RFC5: variants seen among roughly 807,000 people sequenced by gnomAD.
RFC5 encodes the protein A1 36 kDa subunit.
A neutral mutation model predicts 44.3 loss-of-function variants in RFC5; 26 were observed. The observed-to-expected ratio is 0.59, with a 90% CI of 0.43 to 0.81. The LOEUF (loss-of-function observed/expected upper bound fraction) is 0.81. Ranked by LOEUF, RFC5 falls within the 40% of genes least tolerant of loss-of-function variation. The pLI is 0.00. For synonymous variants in RFC5, 155 were observed against 155.2 expected (o/e 1.00, Z 0.01); for missense variants, 328 against 418.6 (o/e 0.78, Z 1.89).
chr12:118,039,703 A>G, the RFC5 span, among the ~76,000 whole-genome samples: 26 of 152,068 alleles, frequency 1.7e-4, no homozygotes, highest in Non-Finnish European at 2.5e-4. Context: ...ATTTAAGTTT[A>G]TGCGGATGTA....
At chr12:118,024,184 AT>A (rs2030763396) in intron 5 of RFC5, among the ~76,000 whole-genome samples, 1 of 151,944 alleles carries the variant, frequency 6.6e-6, no homozygotes, top group Non-Finnish European at 1.5e-5. Flanking sequence ...TACTAAAAAT[AT>A]AAAAAATTAG....
intron 10 of RFC5, 97 bp from the exon 11 acceptor site, chr12:118,031,085 C>T (rs2031288938): frequency 1.3e-6 from 1 of 783,182 alleles, no homozygotes; most frequent in Non-Finnish European, 2.2e-6. Context: ...CATCCCCACT[C>T]CTTCAACAGA....
At chr12:118,021,098 T>A in intron 4 of RFC5, 113 bp downstream of exon 4, 1 of 594,582 alleles carries the variant, frequency 1.7e-6, no homozygotes, top group East Asian at 2.9e-5. Flanking sequence ...AAAAAGTGAC[T>A]TTGTCCAAAG....
Position 118,019,019 on chromosome 12 carries a change from T to C in RFC5, c.66-53T>C, listed in dbSNP as rs1260642199. Reference sequence around the variant, plus strand: ...TGACCTGCAAGGATTCTTTTGCACATAAAATATTCTTGCATTTATATATGT... The same window carrying C: ...TGACCTGCAAGGATTCTTTTGCACACAAAATATTCTTGCATTTATATATGT... On this transcript the variant is annotated intron_variant, in intron 1 of 10. Coordinates refer to ENST00000454402, the MANE Select transcript of RFC5 (RefSeq NM_007370.7). This position sits in a 1 kb window ranked among gnomAD's most constrained non-coding sequence, Gnocchi z 4.2. 1.5e-6 allele frequency: 2 copies of C among 1,339,044 alleles called. No homozygotes were observed. The highest frequency in any genetic ancestry group is 3.4e-5 in the Admixed American group (2 of 59,494). 82.9% of individuals were successfully genotyped at this position (1,339,044 alleles called of 1,614,324 possible).
chr12:118,034,078 C>G (rs1244214424), downstream of RFC5: 9 of 1,385,226 alleles, frequency 6.5e-6, no homozygotes, highest in African/African-American at 1.1e-4. Flanking sequence ...ACATTCTATT[C>G]ACAATCCCAA....
chr12:118,025,934 C>CGCCTCCTGGGTTCAAGCGAATCTCCT lies in RFC5; in HGVS notation c.663+115_663+140dup. ...CACAATCTCAGCTCACTGCAACCTCCGCCTCCTGGGTTCAAGCGAATCTCC... is the reference window on the plus strand; with the variant it reads ...CACAATCTCAGCTCACTGCAACCTCCGCCTCCTGGGTTCAAGCGAATCTCCTGCCTCCTGGGTTCAAGCGAATCTCC... On this transcript the variant is annotated intron_variant, in intron 7 of 10. Coordinates refer to ENST00000454402, the MANE Select transcript of RFC5 (RefSeq NM_007370.7). 2 of 691,910 alleles carry CGCCTCCTGGGTTCAAGCGAATCTCCT rather than the reference C, an allele frequency of 2.9e-6. 1 individual carries two copies. Among genetic ancestry groups the CGCCTCCTGGGTTCAAGCGAATCTCCT allele is most frequent in the South Asian group, 3.3e-5 (2 of 60,070 alleles). 42.9% of individuals were successfully genotyped at this position (691,910 alleles called of 1,614,324 possible).
intron 5 of RFC5, among the ~76,000 whole-genome samples, chr12:118,024,201 C>G (rs1199669385): frequency 6.6e-6 from 1 of 151,800 alleles, no homozygotes; most frequent in African/African-American, 2.4e-5. Flanking sequence ...ATTAGCCGGG[C>G]GTGGTGGCAC....
intron 5 of RFC5, among the ~76,000 whole-genome samples, chr12:118,023,322 T>C (rs76896486): frequency 0.2 from 29,026 of 148,552 alleles, 3,152 homozygotes; most frequent in African/African-American, 0.29. Context: ...GAATCAGCTT[T>C]GAGAGAAGAA....
intron 5 of RFC5, among the ~76,000 whole-genome samples, chr12:118,022,716 C>T (rs541728816): frequency 6.6e-6 from 1 of 152,226 alleles, no homozygotes; most frequent in South Asian, 2.1e-4. Flanking sequence ...CCGCCCGCCT[C>T]GGCTTCCCAA....
At chr12:118,039,217 G>A in the RFC5 span, among the ~76,000 whole-genome samples, 3 of 152,126 alleles carry the variant, frequency 2.0e-5, no homozygotes, top group African/African-American at 7.2e-5. Flanking sequence ...CAGACAGCTT[G>A]GGTTTGAATC....
intron 4 of RFC5, among the ~76,000 whole-genome samples, chr12:118,021,250 C>T (rs963583909): frequency 3.3e-5 from 5 of 150,290 alleles, no homozygotes; most frequent in African/African-American, 7.4e-5. Context: ...CGCCCTGTAT[C>T]GTACAGGCTG....
chr12:118,039,262 G>T, the RFC5 span, among the ~76,000 whole-genome samples: 1 of 152,068 alleles, frequency 6.6e-6, no homozygotes, highest in African/African-American at 2.4e-5. Context: ...ATAACCCAGG[G>T]TGTCTCACAC....
chr12:118,034,939 T>C (rs1324306296), downstream of RFC5: 2 of 1,572,514 alleles, frequency 1.3e-6, no homozygotes, highest in African/African-American at 2.7e-5. Context: ...CTCCATGGTA[T>C]ACTCAGCAGA....
chr12:118,033,310 ATTC>A (rs2031415285), downstream of RFC5: 1 of 152,614 alleles, frequency 6.6e-6, no homozygotes, highest in Non-Finnish European at 1.5e-5. Flanking sequence ...GACTACACCA[ATTC>A]TTTACACAAT....
downstream of RFC5, chr12:118,034,951 A>G (rs754049921): frequency 1.2e-5 from 19 of 1,594,812 alleles, no homozygotes; most frequent in African/African-American, 1.1e-4. Context: ...CTCAGCAGAA[A>G]GCACCACCCA....
At chr12:118,034,034 A>C, downstream of RFC5, 1 of 922,544 alleles carries the variant, frequency 1.1e-6, no homozygotes, top group Non-Finnish European at 1.6e-6. Flanking sequence ...GGAGAGAAAG[A>C]TCCATGACTA....
downstream of RFC5, chr12:118,035,454 G>A: frequency 1.4e-6 from 1 of 730,580 alleles, no homozygotes; most frequent in Non-Finnish European, 2.3e-6. Context: ...TGCCCCTCGT[G>A]GAAAAGCTTG....
chr12:118,025,807 T>C lies in RFC5; in HGVS notation c.642T>C (p.Arg214=), dbSNP rs1378258542. ...ALVTLSSGDM[R]RALNILQSTN... ...TCACTCTTTCCAGTGGAGACATGCG[T>C]AGGGCTCTGAACATTTTGCAGGTAT... Residue 214 remains arginine (R), a synonymous_variant, in exon 7 of 11, where the codon CGT becomes CGC. Transcript: ENST00000454402. 3.1e-6 allele frequency: 5 copies of C among 1,603,574 alleles called. No homozygotes were observed. In the South Asian group the frequency reaches 4.4e-5, roughly 14 times the overall value.
At chr12:118,028,697 G>T (rs1593452510) in intron 9 of RFC5, among the ~76,000 whole-genome samples, 1 of 149,558 alleles carries the variant, frequency 6.7e-6, no homozygotes, top group Admixed American at 6.6e-5. Context: ...TATATTCCCA[G>T]AAAAGAAAGA....
Sources: allele counts gnomAD v4.1 joint callset (sites outside exome capture counted in the v4.1 genomes callset), GRCh38; gene constraint gnomAD v4.1.1; non-coding constraint Gnocchi (gnomAD v3.1); transcripts MANE v1.5; gene names NCBI Gene and HGNC (gene_info 2026-07-23, HGNC 2026-07-21).